Variants in REDIC1 observed in about 807,000 individuals in gnomAD.
REDIC1 encodes the protein HEI10 Interacting Protein 1.
the REDIC1 span, among the ~76,000 whole-genome samples, chr12:39,880,699 C>T: frequency 0.014 from 2,198 of 152,310 alleles, 28 homozygotes; most frequent in Middle Eastern, 0.034. Context: ...GGGATTTCTA[C>T]ATATGCCAAT....
chr12:39,713,027 G>T, the REDIC1 span, among the ~76,000 whole-genome samples: 1 of 140,520 alleles, frequency 7.1e-6, no homozygotes, highest in Non-Finnish European at 1.6e-5. Flanking sequence ...GTATATACGT[G>T]TATATGTATA....
the REDIC1 span, among the ~76,000 whole-genome samples, chr12:39,850,936 G>A: frequency 6.9e-6 from 1 of 145,738 alleles, no homozygotes; most frequent in Non-Finnish European, 1.5e-5. Context: ...GTCTTGCTTT[G>A]TTGCCTAGGC....
the REDIC1 span, among the ~76,000 whole-genome samples, chr12:39,657,780 A>G: frequency 1.3e-5 from 2 of 152,094 alleles, no homozygotes; most frequent in Non-Finnish European, 2.9e-5. Context: ...CTTCTGATAC[A>G]GCAATATCAA....
chr12:39,643,851 G>C, the REDIC1 span: 1 of 1,573,814 alleles, frequency 6.4e-7, no homozygotes. Context: ...CAAAAATTCT[G>C]CTGTCAGCTT....
the REDIC1 span, among the ~76,000 whole-genome samples, chr12:39,790,216 CT>C: frequency 5.1e-5 from 2 of 39,136 alleles, no homozygotes; most frequent in East Asian, 1.7e-3. Context: ...TTTTTTTTTT[CT>C]TCTTCTTCTT....
the REDIC1 span, among the ~76,000 whole-genome samples, chr12:39,640,554 C>T: frequency 6.6e-6 from 1 of 151,900 alleles, no homozygotes; most frequent in Non-Finnish European, 1.5e-5. Context: ...TTTCAACTTC[C>T]TCTCTGTTCT....
chr12:39,787,765 A>C, the REDIC1 span, among the ~76,000 whole-genome samples: 1 of 152,216 alleles, frequency 6.6e-6, no homozygotes, highest in African/African-American at 2.4e-5. Flanking sequence ...ACATGATGTT[A>C]GGTGAATGGA....
the REDIC1 span, among the ~76,000 whole-genome samples, chr12:39,641,299 G>C: frequency 6.6e-6 from 1 of 151,776 alleles, no homozygotes; most frequent in Admixed American, 6.6e-5. Context: ...TACAGTAATG[G>C]TGTCATAACC....
At chr12:39,726,149 C>T in the REDIC1 span, among the ~76,000 whole-genome samples, 25 of 151,006 alleles carry the variant, frequency 1.7e-4, no homozygotes, top group African/African-American at 6.1e-4. Context: ...CCTCCTCTTC[C>T]TCCTCTTCTT....
the REDIC1 span, among the ~76,000 whole-genome samples, chr12:39,752,858 T>TTC: frequency 6.6e-6 from 1 of 150,640 alleles, no homozygotes; most frequent in African/African-American, 2.5e-5. Context: ...CAGATTCCTT[T>TTC]TTAAAGTCAT....
the REDIC1 span, chr12:39,736,904 G>A: frequency 6.6e-6 from 1 of 152,184 alleles, no homozygotes; most frequent in Non-Finnish European, 1.5e-5. Context: ...CCCATGGTGA[G>A]TAGAAACAAG....
At chr12:39,767,262 C>A in the REDIC1 span, among the ~76,000 whole-genome samples, 5 of 151,614 alleles carry the variant, frequency 3.3e-5, no homozygotes. Context: ...CTTGAGTGAC[C>A]AGTGTCATTG....
At chr12:39,741,410 A>G in the REDIC1 span, among the ~76,000 whole-genome samples, 2 of 152,204 alleles carry the variant, frequency 1.3e-5, no homozygotes, top group Non-Finnish European at 2.9e-5. Context: ...TAAGAATGTT[A>G]TGTCTCCATT....
the REDIC1 span, among the ~76,000 whole-genome samples, chr12:39,771,174 G>A: frequency 5.3e-5 from 8 of 152,094 alleles, no homozygotes; most frequent in African/African-American, 1.7e-4. Flanking sequence ...CTGCCTCTGC[G>A]GGAGAGAGAC....
chr12:39,654,065 T>C, the REDIC1 span, among the ~76,000 whole-genome samples: 174 of 151,904 alleles, frequency 1.1e-3, no homozygotes, highest in Non-Finnish European at 2.1e-4. Context: ...ATTATGATGT[T>C]GTTTTTTTTA....
the REDIC1 span, among the ~76,000 whole-genome samples, chr12:39,712,062 A>ACCTGTATGTATATATACC: frequency 1.1e-3 from 22 of 20,732 alleles, 1 homozygote; most frequent in Non-Finnish European, 1.9e-3. Context: ...GTATATATAC[A>ACCTGTATGTATATATACC]TGTATATATA....
At chr12:39,713,761 GTATA>G in the REDIC1 span, among the ~76,000 whole-genome samples, 6 of 147,750 alleles carry the variant, frequency 4.1e-5, no homozygotes, top group Admixed American at 6.8e-5. Context: ...ATGTATACAC[GTATA>G]TATATATTTG....
At chr12:39,879,846 G>C in the REDIC1 span, among the ~76,000 whole-genome samples, 1 of 152,146 alleles carries the variant, frequency 6.6e-6, no homozygotes, top group Admixed American at 6.5e-5. Context: ...ATTTGGAAGG[G>C]GCCAGAGGTG....
chr12:39,629,758 TG>T, the REDIC1 span, among the ~76,000 whole-genome samples: 1 of 152,170 alleles, frequency 6.6e-6, no homozygotes. Flanking sequence ...GCAAAGAGAT[TG>T]ATCTAAGAAA....
Sources: gnomAD v4.1 joint callset for allele counts (sites outside exome capture counted in the v4.1 genomes callset) on GRCh38, gnomAD v4.1.1 for gene constraint, MANE v1.5 for transcripts, NCBI Gene and HGNC (gene_info 2026-07-23, HGNC 2026-07-21) for gene names.